TBCEL: variants seen among roughly 807,000 people sequenced by gnomAD.
TBCEL encodes tubulin folding cofactor E like.
In TBCEL, 15 loss-of-function variants were observed where a neutral mutation model predicts 44.2. That is an observed-to-expected ratio of 0.34 (90% CI 0.23 to 0.52). The LOEUF is 0.52. Among genes scored for constraint, TBCEL ranks in the 20% least tolerant of loss-of-function variants. The probability of loss-of-function intolerance (pLI) is 0.95; values close to 1 mark genes in which losing one functional copy is unlikely to be tolerated. For synonymous variants in TBCEL, 171 were observed against 185.4 expected (o/e 0.92, Z 0.63); for missense variants, 319 against 506.3 (o/e 0.63, Z 3.55).
chr11:121,045,344 T>C (rs1416677130), intron 2 of TBCEL, among the ~76,000 whole-genome samples: 1 of 152,156 alleles, frequency 6.6e-6, no homozygotes, highest in Non-Finnish European at 1.5e-5. Context: ...CAGACCTTTC[T>C]TCAATTACTT....
At chr11:121,059,891 A>G in intron 7 of TBCEL, 78 bp from the exon 8 acceptor site, 1 of 1,009,192 alleles carries the variant, frequency 9.9e-7, no homozygotes, top group Non-Finnish European at 1.5e-6. Context: ...AGACTGGGCC[A>G]CAAGCCAATT....
intron 2 of TBCEL, among the ~76,000 whole-genome samples, chr11:121,041,174 G>A (rs376074278): frequency 5.9e-5 from 9 of 152,070 alleles, no homozygotes; most frequent in East Asian, 1.9e-4. Context: ...CAGACATGGC[G>A]TACTTTCTGT....
intron 1 of TBCEL, among the ~76,000 whole-genome samples, chr11:121,024,547 G>A (rs1334581158): frequency 6.6e-6 from 1 of 152,056 alleles, no homozygotes; most frequent in Non-Finnish European, 1.5e-5. Flanking sequence ...GGCTGGGCTG[G>A]GCTGGGGGAC....
intron 8 of TBCEL, among the ~76,000 whole-genome samples, chr11:121,070,562 A>G (rs562270502): frequency 6.6e-6 from 1 of 152,286 alleles, no homozygotes; most frequent in Non-Finnish European, 1.5e-5. Context: ...AGGGACTTGG[A>G]TGAAGCTGGA....
chr11:121,069,644 T>C (rs1003930615), intron 8 of TBCEL, among the ~76,000 whole-genome samples: 1 of 151,836 alleles, frequency 6.6e-6, no homozygotes, highest in Non-Finnish European at 1.5e-5. Context: ...TACAAAAAAT[T>C]AGTCAGGCGT....
chr11:121,039,124 G>T (rs988858407), intron 2 of TBCEL, among the ~76,000 whole-genome samples: 4 of 152,192 alleles, frequency 2.6e-5, no homozygotes, highest in Non-Finnish European at 5.9e-5. Context: ...ACTGACCGCT[G>T]TCACCTCCAC....
intron 8 of TBCEL, among the ~76,000 whole-genome samples, chr11:121,066,389 A>G (rs1032143977): frequency 6.6e-6 from 1 of 152,210 alleles, no homozygotes; most frequent in African/African-American, 2.4e-5. Context: ...GAAAGAGAAT[A>G]TCTACTCCTC....
chr11:121,062,073 CT>C (rs538411567), intron 8 of TBCEL, among the ~76,000 whole-genome samples: 13 of 151,736 alleles, frequency 8.6e-5, no homozygotes, highest in African/African-American at 1.2e-4. Context: ...TATTTTTCTA[CT>C]TTTTAAATTT....
chr11:121,059,405 T>C (rs1013185787), intron 7 of TBCEL, among the ~76,000 whole-genome samples: 1 of 151,936 alleles, frequency 6.6e-6, no homozygotes, highest in Non-Finnish European at 1.5e-5. Flanking sequence ...GACTGGGCTG[T>C]TTAATATGGT....
Position 121,047,675 on chromosome 11 carries a change from T to A in TBCEL, c.273+8T>A. ...CTCGAAGACTGGCATGAGGTGAAGTTTTTATATTGCTACATTTTAGTGAAA... is the reference window on the plus strand; with the variant it reads ...CTCGAAGACTGGCATGAGGTGAAGTATTTATATTGCTACATTTTAGTGAAA... On this transcript the variant is annotated splice_region_variant and intron_variant, in intron 4 of 8. Coordinates refer to ENST00000683345, the MANE Select transcript of TBCEL (RefSeq NM_001363644.2). The A allele has an allele frequency of 6.2e-7, 1 of 1,611,884 alleles. No individual in the cohort carries two copies. Among genetic ancestry groups the A allele is most frequent in the Non-Finnish European group, 8.5e-7 (1 of 1,178,710 alleles).
At chr11:121,068,058 T>C (rs1445430354) in intron 8 of TBCEL, among the ~76,000 whole-genome samples, 1 of 152,176 alleles carries the variant, frequency 6.6e-6, no homozygotes, top group East Asian at 1.9e-4. Context: ...CCACACACTT[T>C]TAGCCAGTCC....
chr11:121,037,071 A>G (rs1189898697), intron 2 of TBCEL, among the ~76,000 whole-genome samples: 1 of 152,198 alleles, frequency 6.6e-6, no homozygotes, highest in Non-Finnish European at 1.5e-5. Flanking sequence ...TTCACATTTC[A>G]TCTGGCAGTG....
intron 1 of TBCEL, among the ~76,000 whole-genome samples, chr11:121,026,628 T>G (rs1337677087): frequency 6.6e-6 from 1 of 152,242 alleles, no homozygotes; most frequent in Non-Finnish European, 1.5e-5. Context: ...TTCTATCATC[T>G]TTGAACTTTG....
At chr11:121,060,153 A>G in intron 8 of TBCEL, 68 bp downstream of exon 8, 4 of 1,070,102 alleles carry the variant, frequency 3.7e-6, no homozygotes, top group Non-Finnish European at 5.6e-6. Flanking sequence ...CTAGTGTTAG[A>G]GCAAAATCTA....
rs74716136 is a variant in TBCEL, at chr11:121,067,190, G to A, written c.956+7105G>A. Among the ~76,000 whole-genome samples the A allele has an allele frequency of 6.9e-4, 105 of 152,304 alleles. No individual in the cohort carries two copies. In the East Asian group the frequency reaches 0.017, roughly 25 times the overall value. On this transcript the variant is annotated intron_variant, in intron 8 of 8. Transcript: ENST00000683345. ...CTTTATGGTAGCAAAGTTATTTTGT[G>A]TGTCAGTTGGATTATTTACACACAT...
Position 121,060,029 on chromosome 11 carries a change from T to C in TBCEL, c.900T>C (p.Ser300=). 1 of 1,611,806 alleles carries C rather than the reference T, an allele frequency of 6.2e-7. No individual in the cohort carries two copies. Among genetic ancestry groups the C allele is most frequent in the Non-Finnish European group, 8.5e-7 (1 of 1,178,592 alleles). Residue 300 remains serine, a synonymous_variant, in exon 8 of 9, where the codon TCT becomes TCC. Transcript: ENST00000683345. ...SVVTDGERED[S]ERFFIRYYVD... is the part of the protein sequence containing the mutation. ...TTACTGATGGTGAACGAGAAGATTC[T>C]GAGAGATTTTTTATTCGTTACTATG...
intron 8 of TBCEL, among the ~76,000 whole-genome samples, chr11:121,071,821 G>A (rs937280264): frequency 1.3e-5 from 2 of 152,160 alleles, no homozygotes; most frequent in African/African-American, 4.8e-5. Flanking sequence ...GGCTTATTTT[G>A]TCTTGGATGC....
Position 121,070,594 on chromosome 11 carries a change from A to G in TBCEL, c.956+10509A>G, listed in dbSNP as rs529884957. ...TGGAAACCATCATTCTTAGCAAACT[A>G]TCGCAAGGACAGAAAACCAAACAGC... is the stretch of plus-strand genomic sequence containing the variant. On this transcript the variant is annotated intron_variant, in intron 8 of 8. Transcript: ENST00000683345. Among the ~76,000 whole-genome samples, 112 of 152,140 alleles carry G rather than the reference A, an allele frequency of 7.4e-4. 1 individual carries two copies. The highest frequency in any genetic ancestry group is 5.8e-3 in the South Asian group (28 of 4,816).
At chr11:121,062,903 T>A (rs1242761585) in intron 8 of TBCEL, among the ~76,000 whole-genome samples, 1 of 152,184 alleles carries the variant, frequency 6.6e-6, no homozygotes, top group African/African-American at 2.4e-5. Flanking sequence ...TGCAGCTGCA[T>A]CATTGGACTT....
Sources: allele counts gnomAD v4.1 joint callset (sites outside exome capture counted in the v4.1 genomes callset), GRCh38; gene constraint gnomAD v4.1.1; transcripts MANE v1.5; gene names NCBI Gene and HGNC (gene_info 2026-07-23, HGNC 2026-07-21).